USP50: variants seen among roughly 807,000 people sequenced by gnomAD.
USP50 encodes ubiquitin specific peptidase 50, also known as ubiquitin carboxyl-terminal hydrolase 50.
In USP50, 37 loss-of-function variants were observed where a neutral mutation model predicts 39.2. The ratio of observed to expected loss-of-function variants is 0.94; its 90% CI spans 0.73 to 1.24. USP50 has a LOEUF of 1.24. Among genes scored for constraint, USP50 ranks in the 50% most tolerant of loss-of-function variants. The pLI is 0.00. For synonymous variants in USP50, 139 were observed against 144.5 expected (o/e 0.96, Z 0.27); for missense variants, 374 against 398.2 (o/e 0.94, Z 0.52).
intron 6 of USP50, chr15:50,513,599 C>T (rs2052768442): frequency 6.8e-6 from 1 of 148,112 alleles, no homozygotes; most frequent in Non-Finnish European, 1.5e-5. Context: ...TTAAAAAGAA[C>T]TACAATTCCA....
At chr15:50,496,199 G>A (rs545084054), downstream of USP50, 54 of 890,146 alleles carry the variant, frequency 6.1e-5, no homozygotes, top group Non-Finnish European at 7.9e-5. Flanking sequence ...AGTAAAACTC[G>A]GCCGGGCGCA....
intron 5 of USP50, chr15:50,532,278 G>T: frequency 2.2e-6 from 1 of 454,434 alleles, no homozygotes; most frequent in South Asian, 1.6e-5. Flanking sequence ...AAAGCACCCT[G>T]TTCGTAAAGC....
intron 1 of USP50, among the ~76,000 whole-genome samples, chr15:50,495,481 A>G (rs2052355367): frequency 7.5e-6 from 1 of 132,764 alleles, no homozygotes; most frequent in Non-Finnish European, 1.6e-5. Flanking sequence ...TTTAGTAGAG[A>G]TTGGAGGGGG....
intron 6 of USP50, among the ~76,000 whole-genome samples, chr15:50,516,526 A>G (rs1209210198): frequency 6.6e-6 from 1 of 152,174 alleles, no homozygotes; most frequent in Admixed American, 6.5e-5. Context: ...CTGAGGCAGG[A>G]GAACTGCTTA....
downstream of USP50, chr15:50,499,795 T>TTCTG (rs1453871623): frequency 1.3e-5 from 2 of 152,176 alleles, no homozygotes; most frequent in African/African-American, 4.8e-5. Context: ...CCTGTGGGTG[T>TTCTG]TCTGTCTTTA....
chr15:50,546,555 C>T lies in USP50; in HGVS notation c.-30G>A. On this transcript the variant is annotated 5_prime_UTR_variant, in exon 1 of 7. It removes the in-frame stop codon of an upstream open reading frame in the 5' UTR. Transcript: ENST00000532404. The stretch of plus-strand genomic sequence containing the variant: ...ATGGAACCACGTTGGACTTTTGCTT[C>T]TATTCAGGAGCTACATCTATTCCTT... The T allele has an allele frequency of 6.2e-7, 1 of 1,612,538 alleles. No individual in the cohort carries two copies. The highest frequency in any genetic ancestry group is 8.5e-7 in the Non-Finnish European group (1 of 1,178,708).
chr15:50,527,553 T>A (rs145916544), intron 6 of USP50, among the ~76,000 whole-genome samples: 11 of 152,134 alleles, frequency 7.2e-5, no homozygotes, highest in Non-Finnish European at 1.5e-4. Context: ...ACGGTTCTCC[T>A]GAGGACCACA....
chr15:50,507,748 T>C (rs1480565585), intron 6 of USP50: 1 of 152,070 alleles, frequency 6.6e-6, no homozygotes, highest in Non-Finnish European at 1.5e-5. Context: ...ACTCCTGAAA[T>C]AGAAGTGCAC....
At chr15:50,544,088 G>C (rs183683218) in intron 2 of USP50, 3 of 363,892 alleles carry the variant, frequency 8.2e-6, no homozygotes, top group Non-Finnish European at 1.5e-5. Flanking sequence ...AGCACTTTGG[G>C]GGGCCGAGGT....
intron 6 of USP50, chr15:50,513,954 A>T (rs1371482702): frequency 6.6e-6 from 1 of 152,222 alleles, no homozygotes; most frequent in Non-Finnish European, 1.5e-5. Context: ...ATGTTCACCA[A>T]AAAACAAGAA....
chr15:50,496,138 A>T, downstream of USP50: 3 of 1,392,228 alleles, frequency 2.2e-6, no homozygotes, highest in South Asian at 1.3e-5. Flanking sequence ...TGCTGTTTTT[A>T]TGGATATAGA....
In USP50 at chr15:50,538,720, G is replaced by A. The variant is rs750548492; in HGVS notation, c.792C>T (p.Phe264=). 3 of 1,590,056 alleles carry A rather than the reference G, an allele frequency of 1.9e-6. No individual in the cohort carries two copies. Among genetic ancestry groups the A allele is most frequent in the Non-Finnish European group, 1.7e-6 (2 of 1,168,220 alleles). The change falls in exon 5 of 7, where the codon TTC becomes TTT. Residue 264 remains phenylalanine, a synonymous_variant. Coordinates refer to ENST00000532404, the MANE Select transcript of USP50 (RefSeq NM_203494.5). Reference sequence around the variant, plus strand: ...GTAAAAATCCATACCTTTTTAGGTGGAAAATAATTATTTTTGGTGCTTTGG... The same window carrying A: ...GTAAAAATCCATACCTTTTTAGGTGAAAAATAATTATTTTTGGTGCTTTGG... ...SISKAPKIII[F]HLKRFDIQGT...
intron 6 of USP50, chr15:50,508,427 T>C (rs2052693113): frequency 6.6e-6 from 1 of 152,220 alleles, no homozygotes. Flanking sequence ...TTTGTTATGC[T>C]GTCCAATTTT....
chr15:50,500,763 G>A lies in USP50; in HGVS notation c.*6C>T. 6.3e-7 allele frequency: 1 copy of A among 1,583,146 alleles called. No individual in the cohort carries two copies. The highest frequency in any genetic ancestry group is 1.2e-5 in the South Asian group (1 of 86,364). On this transcript the variant is annotated 3_prime_UTR_variant, in exon 7 of 7. Coordinates refer to ENST00000532404, the MANE Select transcript of USP50 (RefSeq NM_203494.5). ...TCTCACTGACTCGTGTGTTATCAAA[G>A]CTATATCAGGCCTGGGTGACTGAAT...
chr15:50,500,764 C>CTA lies in USP50; in HGVS notation c.*3_*4dup, dbSNP rs746676109. On this transcript the variant is annotated 3_prime_UTR_variant, in exon 7 of 7. Coordinates refer to ENST00000532404, the MANE Select transcript of USP50 (RefSeq NM_203494.5). ...CTCACTGACTCGTGTGTTATCAAAGCTATATCAGGCCTGGGTGACTGAATT... is the reference window on the plus strand; with the variant it reads ...CTCACTGACTCGTGTGTTATCAAAGCTATATATCAGGCCTGGGTGACTGAATT... 1 of 1,583,772 alleles carries CTA rather than the reference C, an allele frequency of 6.3e-7. No homozygotes were observed. The highest frequency in any genetic ancestry group is 1.2e-5 in the South Asian group (1 of 86,404).
chr15:50,543,471 T>C (rs919420364), intron 3 of USP50, 127 bp downstream of exon 3: 4 of 850,650 alleles, frequency 4.7e-6, no homozygotes, highest in African/African-American at 3.4e-5. Flanking sequence ...ATGTTCTCCA[T>C]GGGACACCTA....
chr15:50,501,409 G>GGCTGCAATGAGCCGTGATTGTACC (rs2052585746), intron 6 of USP50: 1 of 152,280 alleles, frequency 6.6e-6, no homozygotes, highest in African/African-American at 2.4e-5. Context: ...GAGAGGTCGA[G>GGCTGCAATGAGCCGTGATTGTACC]GCTGCAATGA....
At chr15:50,544,289 G>C (rs1184768035) in intron 2 of USP50, among the ~76,000 whole-genome samples, 2 of 151,978 alleles carry the variant, frequency 1.3e-5, no homozygotes, top group Non-Finnish European at 2.9e-5. Context: ...TTGAACCCGA[G>C]GAACAGAGGT....
intron 1 of USP50, among the ~76,000 whole-genome samples, chr15:50,494,453 T>C (rs1451106941): frequency 1.3e-5 from 2 of 152,260 alleles, no homozygotes; most frequent in Non-Finnish European, 2.9e-5. Flanking sequence ...TTGAAGCATA[T>C]ACAGTTGGTA....
Sources: allele counts gnomAD v4.1 joint callset (sites outside exome capture counted in the v4.1 genomes callset), GRCh38; gene constraint gnomAD v4.1.1; transcripts MANE v1.5; gene names NCBI Gene and HGNC (gene_info 2026-07-23, HGNC 2026-07-21).